TTLL7: variants seen among roughly 807,000 people sequenced by gnomAD.
TTLL7 encodes tubulin polyglutamylase TTLL7.
TTLL7 carries 53 observed loss-of-function variants against 120.2 expected under a neutral mutation model. The observed-to-expected ratio is 0.44, with a 90% confidence interval of 0.35 to 0.55. The LOEUF (loss-of-function observed/expected upper bound fraction) is 0.55, where lower values mean the gene tolerates loss of function less well. Among genes scored for constraint, TTLL7 ranks in the 20% least tolerant of loss-of-function variants. The pLI is 0.00. For missense variants in TTLL7, 803 were observed against 1,054.7 expected (o/e 0.76, Z 3.31); for synonymous variants, 353 against 351.7 (o/e 1.00, Z -0.04).
chr1:83,918,301 G>T (rs1416232421), intron 13 of TTLL7, among the ~76,000 whole-genome samples: 1 of 152,126 alleles, frequency 6.6e-6, no homozygotes, highest in Non-Finnish European at 1.5e-5. Flanking sequence ...CGTTCTACTA[G>T]AGTCATATTC....
At chr1:83,885,996 C>G (rs747846379) in intron 19 of TTLL7, among the ~76,000 whole-genome samples, 6 of 151,992 alleles carry the variant, frequency 3.9e-5, no homozygotes, top group Non-Finnish European at 5.9e-5. Flanking sequence ...TTCTTTCTGG[C>G]TCTCCCTAAT....
intron 20 of TTLL7, among the ~76,000 whole-genome samples, chr1:83,875,555 A>G (rs1219452505): frequency 1.3e-5 from 2 of 151,906 alleles, no homozygotes; most frequent in Admixed American, 1.3e-4. Flanking sequence ...CAGGGAGAGT[A>G]GCTGTAAAAG....
At chr1:83,936,242 C>G (rs558376928) in intron 8 of TTLL7, among the ~76,000 whole-genome samples, 1 of 152,198 alleles carries the variant, frequency 6.6e-6, no homozygotes, top group East Asian at 1.9e-4. Context: ...GCTAATGACC[C>G]TCATTATTCT....
chr1:83,984,576 T>C (rs1191249682), intron 1 of TTLL7, among the ~76,000 whole-genome samples: 1 of 152,182 alleles, frequency 6.6e-6, no homozygotes, highest in Non-Finnish European at 1.5e-5. Flanking sequence ...CATATACACA[T>C]GGAATGCTAT....
intron 18 of TTLL7, chr1:83,900,238 G>A (rs191087207): frequency 2.5e-6 from 1 of 404,440 alleles, no homozygotes. Context: ...GCTTGCTACT[G>A]AGTCTAGAAT....
At chr1:83,988,440 A>C (rs1652682450) in intron 1 of TTLL7, among the ~76,000 whole-genome samples, 1 of 152,152 alleles carries the variant, frequency 6.6e-6, no homozygotes, top group Admixed American at 6.5e-5. Flanking sequence ...TTCTGTTTTA[A>C]GTTATTTGAG....
intron 1 of TTLL7, among the ~76,000 whole-genome samples, chr1:83,961,020 C>A (rs1405125085): frequency 3.9e-5 from 6 of 152,126 alleles, no homozygotes; most frequent in African/African-American, 1.4e-4. Flanking sequence ...AACCTGATAA[C>A]AGCCAAGTAT....
In TTLL7 at chr1:83,866,946, T is replaced by G. The variant is rs1341505999; in HGVS notation, c.*3016A>C. 6.6e-6 allele frequency: 1 copy of G among 151,916 alleles called. No homozygotes were observed. The highest frequency in any genetic ancestry group is 1.9e-4 in the East Asian group (1 of 5,196). The allele number at this position is 151,916 out of a possible 1,614,324, so 9.4% of individuals were successfully genotyped here. A position where few individuals can be genotyped will look rare whatever the true frequency, so the allele number is the denominator to read the frequency against. Reference sequence around the variant, plus strand: ...TAGACATTTCTAGAAATTATTCAAATATTGCATAGTTCTAGAAAGCATTCC... The same window carrying G: ...TAGACATTTCTAGAAATTATTCAAAGATTGCATAGTTCTAGAAAGCATTCC... On this transcript the variant is annotated 3_prime_UTR_variant, in exon 21 of 21. Transcript: ENST00000260505.
rs1485225360 is a variant in TTLL7 at position 83,900,826 on chromosome 1, TTCTG to T, written c.2208+3249_2208+3252del. 2.0e-5 allele frequency among the ~76,000 whole-genome samples: 3 copies of T among 152,046 alleles called. 1 individual carries two copies. Among genetic ancestry groups the T allele is most frequent in the African/African-American group, 7.2e-5 (3 of 41,438 alleles). ...AAAGACTTGTACCAATGTACTATCT[TTCTG>T]TCTAATAGCATAGCAAAGGCCCTTT... is the stretch of plus-strand genomic sequence containing the variant. On this transcript the variant is annotated intron_variant, in intron 18 of 20. Transcript: ENST00000260505.
At chr1:83,935,088 A>G (rs1231954345) in intron 8 of TTLL7, among the ~76,000 whole-genome samples, 2 of 152,180 alleles carry the variant, frequency 1.3e-5, no homozygotes, top group African/African-American at 4.8e-5. Flanking sequence ...ATATTTGGGA[A>G]TAAGTATCAG....
chr1:83,915,884 G>A (rs1296603106), intron 14 of TTLL7, among the ~76,000 whole-genome samples: 1 of 152,196 alleles, frequency 6.6e-6, no homozygotes, highest in South Asian at 2.1e-4. Context: ...AAAGACACAT[G>A]AAAAAATGCT....
At chr1:83,906,517 G>A (rs755905706) in intron 16 of TTLL7, 54 bp from the exon 17 acceptor site, 1 of 1,606,218 alleles carries the variant, frequency 6.2e-7, no homozygotes, top group Admixed American at 1.7e-5. Flanking sequence ...CATTGTGCCA[G>A]TATAATCTGA....
chr1:83,967,781 T>C lies in TTLL7; in HGVS notation c.-176-15394A>G, dbSNP rs189007681. ...TCACTCAAAATATAACTTTTAACATTCCAGTTAAAACTGGATCCAAAATGG... is the reference window on the plus strand; with the variant it reads ...TCACTCAAAATATAACTTTTAACATCCCAGTTAAAACTGGATCCAAAATGG... On this transcript the variant is annotated intron_variant, in intron 1 of 20. Coordinates refer to ENST00000260505, the MANE Select transcript of TTLL7 (RefSeq NM_024686.6). 1.4e-3 allele frequency among the ~76,000 whole-genome samples: 217 copies of C among 152,024 alleles called. 1 individual carries two copies. The highest frequency in any genetic ancestry group is 4.9e-3 in the African/African-American group (202 of 41,474).
intron 3 of TTLL7, among the ~76,000 whole-genome samples, chr1:83,950,907 TG>T (rs1648977121): frequency 6.6e-6 from 1 of 152,120 alleles, no homozygotes; most frequent in South Asian, 2.1e-4. Flanking sequence ...ATTCCTTACC[TG>T]GCTCACAAGC....
chr1:83,884,639 T>C (rs986494471), intron 19 of TTLL7, among the ~76,000 whole-genome samples: 1 of 146,982 alleles, frequency 6.8e-6, no homozygotes, highest in Non-Finnish European at 1.5e-5. Context: ...TTCCAAACAC[T>C]GCATGTTCTC....
intron 14 of TTLL7, among the ~76,000 whole-genome samples, chr1:83,913,804 A>G (rs1023919744): frequency 3.3e-5 from 4 of 119,688 alleles, no homozygotes; most frequent in African/African-American, 1.0e-4. Flanking sequence ...CTTCCTCCCA[A>G]GAGGTTATAG....
At chr1:83,871,062 T>C (rs1295192883) in intron 20 of TTLL7, among the ~76,000 whole-genome samples, 1 of 149,040 alleles carries the variant, frequency 6.7e-6, no homozygotes, top group African/African-American at 2.4e-5. Flanking sequence ...TTATATATAC[T>C]ATATTATATA....
intron 14 of TTLL7, among the ~76,000 whole-genome samples, chr1:83,914,737 AT>A (rs1334921449): frequency 6.6e-6 from 1 of 152,106 alleles, no homozygotes; most frequent in Non-Finnish European, 1.5e-5. Context: ...TTTCTTCTCT[AT>A]GGGGCTGTAG....
At chr1:83,920,482 A>C (rs964952507) in intron 12 of TTLL7, 1 of 152,842 alleles carries the variant, frequency 6.5e-6, no homozygotes, top group African/African-American at 2.4e-5. Context: ...TGTTCTTATC[A>C]CTACTGTTGA....
Sources: allele counts gnomAD v4.1 joint callset (sites outside exome capture counted in the v4.1 genomes callset), GRCh38; gene constraint gnomAD v4.1.1; transcripts MANE v1.5; gene names NCBI Gene and HGNC (gene_info 2026-07-23, HGNC 2026-07-21).